Variants in GABRG3 observed in about 807,000 individuals in gnomAD.
The protein encoded by GABRG3 is gamma-aminobutyric acid type A receptor subunit gamma3.
In GABRG3, 25 loss-of-function variants were observed where a neutral mutation model predicts 48.8. The observed-to-expected ratio is 0.51, with a 90% CI of 0.37 to 0.72. The LOEUF (loss-of-function observed/expected upper bound fraction) is 0.72. Among genes scored for constraint, GABRG3 ranks in the 30% least tolerant of loss-of-function variants. The pLI is 0.00. For missense variants in GABRG3, 394 were observed against 577.9 expected (o/e 0.68, Z 3.26); for synonymous variants, 227 against 217.6 (o/e 1.04, Z -0.38).
chr15:27,032,631 G>T (rs1410006751), intron 3 of GABRG3, among the ~76,000 whole-genome samples: 9 of 152,168 alleles, frequency 5.9e-5, no homozygotes. Context: ...TGAACTAACA[G>T]TGAGAACTCA....
intron 3 of GABRG3, among the ~76,000 whole-genome samples, chr15:27,055,356 A>G (rs1167362236): frequency 6.6e-6 from 1 of 152,258 alleles, no homozygotes; most frequent in Non-Finnish European, 1.5e-5. Context: ...TTCTAAAGCT[A>G]TCATTATTTG....
intron 3 of GABRG3, among the ~76,000 whole-genome samples, chr15:27,228,149 G>T (rs1889683694): frequency 6.6e-6 from 1 of 152,190 alleles, no homozygotes; most frequent in African/African-American, 2.4e-5. Flanking sequence ...CTGGGGGTTT[G>T]TTGTACATAT....
chr15:27,081,753 G>C (rs1896996095), intron 3 of GABRG3, among the ~76,000 whole-genome samples: 1 of 152,222 alleles, frequency 6.6e-6, no homozygotes, highest in Non-Finnish European at 1.5e-5. Context: ...CTGAGAGCCT[G>C]TGACTGAATC....
chr15:27,095,746 C>T (rs950250270), intron 3 of GABRG3, among the ~76,000 whole-genome samples: 59 of 152,120 alleles, frequency 3.9e-4, no homozygotes, highest in Middle Eastern at 3.4e-3. Context: ...CTTTAGTGTC[C>T]TCCCAGTGGA....
At chr15:27,121,980 C>T (rs989403678) in intron 3 of GABRG3, among the ~76,000 whole-genome samples, 2 of 151,762 alleles carry the variant, frequency 1.3e-5, no homozygotes, top group Admixed American at 1.3e-4. Flanking sequence ...GGAGATGGAG[C>T]GGGGAAGTGG....
At chr15:27,328,957 CA>C in intron 5 of GABRG3, 69 bp downstream of exon 5, 1 of 1,247,132 alleles carries the variant, frequency 8.0e-7, no homozygotes, top group Non-Finnish European at 1.2e-6. Context: ...CTGCTTCTGT[CA>C]AACAGTCATG....
At chr15:27,123,457 A>G (rs1370830753) in intron 3 of GABRG3, among the ~76,000 whole-genome samples, 1 of 152,246 alleles carries the variant, frequency 6.6e-6, no homozygotes, top group Admixed American at 6.5e-5. Context: ...AGGACACAGC[A>G]GGCACTGTCT....
At chr15:27,488,698 A>G (rs1406613476) in intron 6 of GABRG3, among the ~76,000 whole-genome samples, 1 of 152,242 alleles carries the variant, frequency 6.6e-6, no homozygotes, top group Non-Finnish European at 1.5e-5. Flanking sequence ...TGTTTAGCAA[A>G]TGAGTCTAAA....
At chr15:27,455,306 GTGTA>G (rs1361802002) in intron 5 of GABRG3, among the ~76,000 whole-genome samples, 1 of 152,208 alleles carries the variant, frequency 6.6e-6, no homozygotes, top group Non-Finnish European at 1.5e-5. Context: ...ATCTACTAGT[GTGTA>G]TGTGTGCTGT....
intron 5 of GABRG3, among the ~76,000 whole-genome samples, chr15:27,467,625 T>C (rs1036985636): frequency 6.6e-6 from 1 of 152,240 alleles, no homozygotes; most frequent in African/African-American, 2.4e-5. Context: ...AACAGCTATT[T>C]CATTGGCTAA....
intron 3 of GABRG3, among the ~76,000 whole-genome samples, chr15:27,292,438 A>T (rs986233587): frequency 6.6e-6 from 1 of 152,070 alleles, no homozygotes; most frequent in African/African-American, 2.4e-5. Context: ...TAAAAAAAAA[A>T]TGAAAAAAAA....
At chr15:27,271,875 G>C (rs1008123948) in intron 3 of GABRG3, among the ~76,000 whole-genome samples, 1 of 152,170 alleles carries the variant, frequency 6.6e-6, no homozygotes, top group African/African-American at 2.4e-5. Context: ...ACTTAAACTG[G>C]GGTGGCTTAA....
At chr15:27,162,942 C>G (rs537386274) in intron 3 of GABRG3, among the ~76,000 whole-genome samples, 1 of 152,116 alleles carries the variant, frequency 6.6e-6, no homozygotes, top group South Asian at 2.1e-4. Flanking sequence ...AAGAGCTCCA[C>G]GTGATCACGT....
At chr15:27,418,174 C>G (rs374502498) in intron 5 of GABRG3, among the ~76,000 whole-genome samples, 3 of 152,190 alleles carry the variant, frequency 2.0e-5, no homozygotes, top group Admixed American at 2.0e-4. Flanking sequence ...GCCTGATGAC[C>G]GGCCAGGGGA....
At chr15:27,418,420 G>GC (rs1888008075) in intron 5 of GABRG3, among the ~76,000 whole-genome samples, 1 of 152,218 alleles carries the variant, frequency 6.6e-6, no homozygotes, top group Non-Finnish European at 1.5e-5. Flanking sequence ...TTGCACCTGA[G>GC]CTCCTCCATT....
intron 5 of GABRG3, among the ~76,000 whole-genome samples, chr15:27,393,018 G>T (rs1194135309): frequency 6.6e-6 from 1 of 151,886 alleles, no homozygotes; most frequent in South Asian, 2.1e-4. Flanking sequence ...ATTTCTAAGA[G>T]CCCCGGTTCA....
chr15:27,313,223 TATAC>T (rs1893060902), intron 3 of GABRG3, among the ~76,000 whole-genome samples: 1 of 137,530 alleles, frequency 7.3e-6, no homozygotes, highest in Non-Finnish European at 1.5e-5. Context: ...TATGTATATA[TATAC>T]GTATATGTAT....
chr15:27,315,545 T>G (rs1296139016), intron 3 of GABRG3, among the ~76,000 whole-genome samples: 1 of 152,188 alleles, frequency 6.6e-6, no homozygotes, highest in Non-Finnish European at 1.5e-5. Context: ...ATATTCCCAT[T>G]ATCATGAATG....
At chr15:27,028,965 C>T (rs1896032615) in intron 3 of GABRG3, among the ~76,000 whole-genome samples, 1 of 152,056 alleles carries the variant, frequency 6.6e-6, no homozygotes, top group Non-Finnish European at 1.5e-5. Context: ...TTAGAATGGC[C>T]GGGGGCATTG....
Sources: gnomAD v4.1 joint callset for allele counts (sites outside exome capture counted in the v4.1 genomes callset) on GRCh38, gnomAD v4.1.1 for gene constraint, MANE v1.5 for transcripts, NCBI Gene and HGNC (gene_info 2026-07-23, HGNC 2026-07-21) for gene names.